The following LRRC37A variants were observed in gnomAD, a reference collection of about 807,000 sequenced individuals.
LRRC37A encodes leucine rich repeat containing 37A.
Under a neutral mutation model 35.4 loss-of-function variants are expected in LRRC37A, and 3 were observed. That is an observed-to-expected ratio of 0.08 (90% CI 0.04 to 0.22). The LOEUF (loss-of-function observed/expected upper bound fraction) is 0.22. LRRC37A is among the 10% of genes least tolerant of loss of function. The pLI, the probability that LRRC37A is intolerant of heterozygous loss-of-function variation, is 1.00. For missense variants in LRRC37A, 67 were observed against 565.3 expected (o/e 0.12, Z 8.94); for synonymous variants, 23 against 215.0 (o/e 0.11, Z 7.81).
chr17:46,271,574 G>A, the LRRC37A span, among the ~76,000 whole-genome samples: 1 of 152,078 alleles, frequency 6.6e-6, no homozygotes, highest in African/African-American at 2.4e-5. Context: ...AGTCCACCAG[G>A]TTGGCTCTTT....
At chr17:46,309,195 T>C (rs1475542382) in intron 5 of LRRC37A, among the ~76,000 whole-genome samples, 9 of 53,494 alleles carry the variant, frequency 1.7e-4, no homozygotes, top group East Asian at 3.3e-4. Context: ...AGGTTTTGCA[T>C]TGGGGAAAGG....
At chr17:46,267,239 T>TG in the LRRC37A span, 1 of 784,174 alleles carries the variant, frequency 1.3e-6, no homozygotes, top group Admixed American at 3.1e-5. Flanking sequence ...GCCCGACCCA[T>TG]GCGGGCCGTT....
chr17:46,264,239 C>T, the LRRC37A span, among the ~76,000 whole-genome samples: 1 of 151,044 alleles, frequency 6.6e-6, no homozygotes, highest in South Asian at 2.1e-4. Flanking sequence ...GCTGGAATTA[C>T]ATGTGTGAGC....
chr17:46,254,378 G>T, the LRRC37A span, among the ~76,000 whole-genome samples: 1 of 149,952 alleles, frequency 6.7e-6, no homozygotes, highest in African/African-American at 2.5e-5. Flanking sequence ...ACTGGAAGCC[G>T]AGGCTGGCCA....
the LRRC37A span, among the ~76,000 whole-genome samples, chr17:46,287,498 C>T: frequency 0.14 from 21,451 of 151,444 alleles, 1,881 homozygotes; most frequent in Non-Finnish European, 0.21. Context: ...AGAAGATAAA[C>T]GGTCAAAATA....
the LRRC37A span, among the ~76,000 whole-genome samples, chr17:46,276,320 T>G: frequency 6.6e-6 from 1 of 152,260 alleles, no homozygotes; most frequent in Non-Finnish European, 1.5e-5. Context: ...AGTTTACAAT[T>G]TTTAAATACA....
the LRRC37A span, among the ~76,000 whole-genome samples, chr17:46,265,389 C>G: frequency 8.9e-6 from 1 of 111,820 alleles, no homozygotes; most frequent in Non-Finnish European, 2.4e-5. Flanking sequence ...CTTTTCTCTT[C>G]CTTCTCCTCC....
the LRRC37A span, among the ~76,000 whole-genome samples, chr17:46,279,184 CTTTTTTTT>C: frequency 2.9e-5 from 4 of 136,994 alleles, no homozygotes; most frequent in Non-Finnish European, 6.3e-5. Flanking sequence ...TCTTTTTTTT[CTTTTTTTT>C]TTTTTTTTTG....
At chr17:46,259,019 A>ATTCTTTTTTTTTT in the LRRC37A span, among the ~76,000 whole-genome samples, 1 of 79,468 alleles carries the variant, frequency 1.3e-5, no homozygotes, top group Non-Finnish European at 2.2e-5. Flanking sequence ...CACCCGGCCT[A>ATTCTTTTTTTTTT]TTTTTTTTTT....
At chr17:46,277,653 C>CTTTCT in the LRRC37A span, among the ~76,000 whole-genome samples, 358 of 136,988 alleles carry the variant, frequency 2.6e-3, no homozygotes, top group African/African-American at 4.0e-3. Context: ...TTCTTTCTTT[C>CTTTCT]TTTTTTTTTT....
chr17:46,280,567 C>T, the LRRC37A span, among the ~76,000 whole-genome samples: 1 of 131,432 alleles, frequency 7.6e-6, no homozygotes, highest in African/African-American at 2.9e-5. Flanking sequence ...TTTGATAGCA[C>T]ACTTTTTTTT....
At chr17:46,273,887 A>G in the LRRC37A span, among the ~76,000 whole-genome samples, 1 of 152,268 alleles carries the variant, frequency 6.6e-6, no homozygotes, top group Non-Finnish European at 1.5e-5. Flanking sequence ...TTCATACAAT[A>G]TAAGTAGCTG....
At chr17:46,257,412 C>T in the LRRC37A span, among the ~76,000 whole-genome samples, 2 of 146,940 alleles carry the variant, frequency 1.4e-5, no homozygotes, top group African/African-American at 5.1e-5. Context: ...AAGATCGTGC[C>T]ACTGCACTCT....
chr17:46,254,017 T>C, the LRRC37A span, among the ~76,000 whole-genome samples: 1 of 152,344 alleles, frequency 6.6e-6, no homozygotes, highest in African/African-American at 2.4e-5. Context: ...AGGGCGCTGC[T>C]CCAAGGTGAA....
chr17:46,282,406 G>GTT, the LRRC37A span, among the ~76,000 whole-genome samples: 6 of 148,940 alleles, frequency 4.0e-5, no homozygotes, highest in Admixed American at 6.7e-5. Context: ...CCTGGCCTCA[G>GTT]TTTTTTGTTT....
the LRRC37A span, among the ~76,000 whole-genome samples, chr17:46,284,547 C>T: frequency 1.3e-5 from 2 of 152,232 alleles, no homozygotes; most frequent in Non-Finnish European, 2.9e-5. Flanking sequence ...TACACAGACA[C>T]AGCAACAATC....
At position 46,333,540 on chromosome 17, in the gene LRRC37A, C is replaced by T. The variant is rs534458121; in HGVS notation, c.4809+884C>T. On this transcript the variant is annotated intron_variant, in intron 10 of 13. Transcript: ENST00000320254. ...TATGCTACCAGTCCAACCTTACTTG[C>T]CTCATTTACCATTTCCATTATTGTG... Among the ~76,000 whole-genome samples, 148 of 42,178 alleles carry T rather than the reference C, an allele frequency of 3.5e-3. 33 individuals are homozygous for T. The highest frequency in any genetic ancestry group is 5.0e-3 in the African/African-American group (145 of 28,806). The allele number at this position is 42,178 out of a possible 152,430, so 27.7% of individuals were successfully genotyped here.
chr17:46,254,862 CAG>C, the LRRC37A span, among the ~76,000 whole-genome samples: 1 of 151,158 alleles, frequency 6.6e-6, no homozygotes, highest in African/African-American at 2.4e-5. Flanking sequence ...TGTTTTCTGA[CAG>C]AGTCTCTGTC....
the LRRC37A span, chr17:46,275,484 A>C: frequency 7.3e-6 from 5 of 681,734 alleles, no homozygotes; most frequent in Non-Finnish European, 1.3e-5. Flanking sequence ...CTTTATGCGG[A>C]TGCCAAAGTA....
Sources: allele counts gnomAD v4.1 joint callset (sites outside exome capture counted in the v4.1 genomes callset), GRCh38; gene constraint gnomAD v4.1.1; transcripts MANE v1.5; gene names NCBI Gene and HGNC (gene_info 2026-07-23, HGNC 2026-07-21).